The following ADCY2 variants were observed in gnomAD, a reference collection of about 807,000 sequenced individuals.
The protein encoded by ADCY2 is adenylate cyclase 2, also known as adenylate cyclase type 2.
A neutral mutation model predicts 125.2 loss-of-function variants in ADCY2; 31 were observed. The observed-to-expected ratio is 0.25, with a 90% CI of 0.19 to 0.33. The LOEUF is 0.33. ADCY2 is among the 10% of genes least tolerant of loss of function. The pLI is 1.00. For missense variants in ADCY2, 904 were observed against 1,418.2 expected, an observed-to-expected ratio of 0.64 and a Z score of 5.82; for synonymous variants, 512 against 548.4, an observed-to-expected ratio of 0.93 and a Z score of 0.93.
chr5:7,414,857 G>A, intron 2 of ADCY2, 87 bp downstream of exon 2: 1 of 1,157,856 alleles, frequency 8.6e-7, no homozygotes, highest in Non-Finnish European at 1.2e-6. Context: ...CTTAAACTTT[G>A]AAGAGGAGTC....
intron 3 of ADCY2, among the ~76,000 whole-genome samples, chr5:7,621,882 C>T (rs960461512): frequency 6.6e-6 from 1 of 152,126 alleles, no homozygotes; most frequent in East Asian, 1.9e-4. Flanking sequence ...CGTGTGGGCA[C>T]GGTTCCACTT....
chr5:7,730,121 G>T (rs1048095180), intron 14 of ADCY2, among the ~76,000 whole-genome samples: 1 of 152,102 alleles, frequency 6.6e-6, no homozygotes, highest in Non-Finnish European at 1.5e-5. Context: ...ATTTATAAGT[G>T]AGAACATACA....
rs1163961722 is a variant in ADCY2 at position 7,414,609 on chromosome 5, C to G, written c.247C>G (p.Pro83Ala). The change falls in exon 2 of 25, where the codon CCA becomes GCA. Residue 83 changes from proline to alanine, a missense_variant. Around this residue, in one of 7 missense-constraint regions of ADCY2, gnomAD observed 121 missense variants for 161.5 expected, o/e 0.75. Transcript: ENST00000338316. ...CCATGTGGCGTTTCTAATAACAGTT[C>G]CAACTGCCCTGGCGATTTTCTTTGC... ...EDHVAFLITV[P>A]TALAIFFAIF... is the part of the protein sequence containing the mutation. 6.2e-7 allele frequency: 1 copy of G among 1,613,136 alleles called. No individual in the cohort carries two copies.
intron 2 of ADCY2, among the ~76,000 whole-genome samples, chr5:7,418,273 C>T (rs887567960): frequency 1.3e-5 from 2 of 152,112 alleles, no homozygotes; most frequent in Non-Finnish European, 2.9e-5. Flanking sequence ...GGCCCTGGAT[C>T]GTGAGTGTAT....
chr5:7,629,865 C>A (rs1275591529), intron 4 of ADCY2, among the ~76,000 whole-genome samples: 3 of 152,174 alleles, frequency 2.0e-5, no homozygotes, highest in Non-Finnish European at 2.9e-5. Flanking sequence ...AATAAGAACA[C>A]TGTTTGCTAA....
intron 3 of ADCY2, among the ~76,000 whole-genome samples, chr5:7,557,192 G>GATATATAGAT (rs1204974635): frequency 1.2e-5 from 1 of 80,626 alleles, no homozygotes; most frequent in Non-Finnish European, 3.7e-5. Flanking sequence ...TTATATATGT[G>GATATATAGAT]ATATATATAA....
intron 20 of ADCY2, chr5:7,801,787 G>C (rs1744603941): frequency 6.2e-6 from 1 of 160,760 alleles, no homozygotes; most frequent in Non-Finnish European, 1.4e-5. Flanking sequence ...TCCATACGCT[G>C]TTTTCAGGAG....
chr5:7,412,557 G>A (rs1739765370), intron 1 of ADCY2, among the ~76,000 whole-genome samples: 1 of 152,210 alleles, frequency 6.6e-6, no homozygotes, highest in Non-Finnish European at 1.5e-5. Context: ...TGCAGCAATT[G>A]TAAACTGTGT....
intron 15 of ADCY2, among the ~76,000 whole-genome samples, chr5:7,753,693 A>T (rs1742898590): frequency 6.6e-6 from 1 of 152,068 alleles, no homozygotes; most frequent in Non-Finnish European, 1.5e-5. Context: ...ATTTTTCTTA[A>T]TCAGGTTCCT....
intron 3 of ADCY2, among the ~76,000 whole-genome samples, chr5:7,589,462 G>GAAAGAAAGAAAGA (rs1186965167): frequency 3.2e-4 from 11 of 34,242 alleles, no homozygotes; most frequent in African/African-American, 9.2e-4. Context: ...GAAAGAAAAA[G>GAAAGAAAGAAAGA]AAAGAAAGAA....
intron 3 of ADCY2, among the ~76,000 whole-genome samples, chr5:7,617,779 C>A (rs953442143): frequency 1.3e-5 from 2 of 152,130 alleles, no homozygotes; most frequent in Admixed American, 6.5e-5. Context: ...TTGGGGTAAA[C>A]CCAAGAGTAC....
intron 4 of ADCY2, among the ~76,000 whole-genome samples, chr5:7,687,853 T>C (rs756162926): frequency 1.1e-4 from 17 of 152,202 alleles, no homozygotes; most frequent in Non-Finnish European, 1.8e-4. Context: ...AAGATGGTAT[T>C]GAATCCACCT....
chr5:7,701,482 A>G (rs1246455933), intron 7 of ADCY2, among the ~76,000 whole-genome samples: 1 of 152,190 alleles, frequency 6.6e-6, no homozygotes, highest in Non-Finnish European at 1.5e-5. Flanking sequence ...TACCCTTTGA[A>G]TCATTTTTAT....
intron 2 of ADCY2, among the ~76,000 whole-genome samples, chr5:7,457,116 G>A (rs924674863): frequency 6.6e-6 from 1 of 152,150 alleles, no homozygotes; most frequent in African/African-American, 2.4e-5. Context: ...AGGACAGTTT[G>A]AGAACCAAGA....
At chr5:7,425,014 C>T (rs1338261175) in intron 2 of ADCY2, among the ~76,000 whole-genome samples, 11 of 152,158 alleles carry the variant, frequency 7.2e-5, no homozygotes, top group Admixed American at 7.2e-4. Context: ...TCAATCCAGC[C>T]ACTCGCCAGC....
At chr5:7,656,401 TGC>T (rs1739328584) in intron 4 of ADCY2, among the ~76,000 whole-genome samples, 1 of 152,226 alleles carries the variant, frequency 6.6e-6, no homozygotes, top group South Asian at 2.1e-4. Context: ...ATTGATCCTA[TGC>T]TGATTCTACT....
At chr5:7,401,707 A>T (rs1350562964) in intron 1 of ADCY2, among the ~76,000 whole-genome samples, 1 of 152,228 alleles carries the variant, frequency 6.6e-6, no homozygotes, top group Non-Finnish European at 1.5e-5. Context: ...TGGCATATGC[A>T]CCATGGGTGT....
intron 14 of ADCY2, among the ~76,000 whole-genome samples, chr5:7,735,268 C>CT (rs1742215534): frequency 6.6e-6 from 1 of 152,152 alleles, no homozygotes. Flanking sequence ...ACCATATCAC[C>CT]TACAAATTAA....
rs1409291504 is a variant in ADCY2, at chr5:7,523,066, C to T, written c.570+2167C>T. Among the ~76,000 whole-genome samples, 4 of 152,338 alleles carry T rather than the reference C, an allele frequency of 2.6e-5. No individual in the cohort carries two copies. In the East Asian group the frequency reaches 5.8e-4, roughly 22 times the overall value. ...TCACTATTTGGGGTACCCTGGAACA[C>T]ATCCCTTGTACTTATCCTTTCTGCT... On this transcript the variant is annotated intron_variant, in intron 3 of 24. Transcript: ENST00000338316.
Sources: gnomAD v4.1 joint callset for allele counts (sites outside exome capture counted in the v4.1 genomes callset) on GRCh38, gnomAD v4.1.1 for gene constraint, gnomAD v4.1.1 regional missense constraint, MANE v1.5 for transcripts, NCBI Gene and HGNC (gene_info 2026-07-23, HGNC 2026-07-21) for gene names.